Variants in NT5C3A observed in about 807,000 individuals in gnomAD.
The protein encoded by NT5C3A is cytosolic 5'-nucleotidase 3A.
Under a neutral mutation model 40.0 loss-of-function variants are expected in NT5C3A, and 23 were observed. That is an observed-to-expected ratio of 0.58 (90% confidence interval 0.41 to 0.81). The LOEUF is 0.81. Among genes scored for constraint, NT5C3A ranks in the 40% least tolerant of loss-of-function variants. The probability of loss-of-function intolerance (pLI) is 0.00; values close to 1 mark genes in which losing one functional copy is unlikely to be tolerated. For synonymous variants in NT5C3A, 130 were observed against 141.4 expected (o/e 0.92, Z 0.57); for missense variants, 328 against 403.0 (o/e 0.81, Z 1.59).
chr7:33,039,555 G>GTTTT lies in NT5C3A; in HGVS notation c.139-12644_139-12641dup, dbSNP rs776873396. Among the ~76,000 whole-genome samples, 424 of 70,006 alleles carry GTTTT rather than the reference G, an allele frequency of 6.1e-3. 48 individuals carry two copies. Among genetic ancestry groups the GTTTT allele is most frequent in the East Asian group, 0.017 (43 of 2,484 alleles). 45.9% of individuals were successfully genotyped at this position (70,006 alleles called of 152,430 possible). ...TACTATTTGACTTTCTTAAGCTTGG[G>GTTTT]TTTTTTGTTTTTTTTTTTTTTTAAT... On this transcript the variant is annotated intron_variant, in intron 1 of 8. Transcript: ENST00000610140.
At chr7:33,041,676 A>G (rs1786919818) in intron 1 of NT5C3A, among the ~76,000 whole-genome samples, 1 of 152,192 alleles carries the variant, frequency 6.6e-6, no homozygotes, top group African/African-American at 2.4e-5. Context: ...TTCTGTTTTT[A>G]AAAATGGGGG....
chr7:33,046,639 C>T (rs1473449745), intron 1 of NT5C3A, among the ~76,000 whole-genome samples: 2 of 152,050 alleles, frequency 1.3e-5, no homozygotes, highest in African/African-American at 4.8e-5. Context: ...ACTTAAAAAG[C>T]ATTAAATTCT....
At chr7:33,032,820 C>G (rs1177475686) in intron 1 of NT5C3A, among the ~76,000 whole-genome samples, 1 of 152,016 alleles carries the variant, frequency 6.6e-6, no homozygotes, top group Non-Finnish European at 1.5e-5. Context: ...GTAGCGTGAT[C>G]ACAGCTCACT....
At chr7:33,050,429 G>C (rs1308915171) in intron 1 of NT5C3A, among the ~76,000 whole-genome samples, 2 of 152,254 alleles carry the variant, frequency 1.3e-5, no homozygotes, top group Non-Finnish European at 1.5e-5. Flanking sequence ...ATTTTATCTA[G>C]CAACTTGTTC....
intron 1 of NT5C3A, among the ~76,000 whole-genome samples, chr7:33,057,787 T>C (rs930447581): frequency 6.6e-6 from 1 of 152,234 alleles, no homozygotes; most frequent in Non-Finnish European, 1.5e-5. Flanking sequence ...TTGAGAGATA[T>C]ATTTAAATTG....
intron 1 of NT5C3A, among the ~76,000 whole-genome samples, chr7:33,034,112 C>T (rs985592941): frequency 1.3e-5 from 2 of 151,814 alleles, no homozygotes; most frequent in South Asian, 2.1e-4. Context: ...AGGATGGTCT[C>T]GATCTCCTGA....
rs953497222 is a variant in NT5C3A, at chr7:33,041,214, G to A, written c.139-14299C>T. ...AAAAACATTCCTTTCCACCTGGTTT[G>A]TCAGTGGTTTGTCAGTGTACTTCTG... On this transcript the variant is annotated intron_variant, in intron 1 of 8. Transcript: ENST00000610140. 3 of 843,312 alleles carry A rather than the reference G, an allele frequency of 3.6e-6. No homozygotes were observed. In the African/African-American group the frequency reaches 5.5e-5, roughly 16 times the overall value. 52.2% of individuals were successfully genotyped at this position (843,312 alleles called of 1,614,324 possible).
chr7:33,044,033 C>CT (rs535266743), intron 1 of NT5C3A, among the ~76,000 whole-genome samples: 1,747 of 143,674 alleles, frequency 0.012, 13 homozygotes, highest in African/African-American at 0.023. Context: ...TTTTTTTTTT[C>CT]TTTTTTTTTT....
chr7:33,021,863 A>G, intron 4 of NT5C3A, 190 bp downstream of exon 4: 1 of 544,888 alleles, frequency 1.8e-6, no homozygotes, highest in Non-Finnish European at 3.3e-6. Context: ...GTGAATTTTT[A>G]TCTTTAAAAT....
intron 1 of NT5C3A, among the ~76,000 whole-genome samples, chr7:33,035,262 T>C (rs952178980): frequency 6.6e-6 from 1 of 150,580 alleles, no homozygotes; most frequent in African/African-American, 2.4e-5. Flanking sequence ...GGCGCAATCT[T>C]GGCTCACTGC....
intron 1 of NT5C3A, among the ~76,000 whole-genome samples, chr7:33,036,979 T>G (rs148523543): frequency 0.053 from 8,107 of 152,158 alleles, 264 homozygotes; most frequent in East Asian, 0.16. Context: ...GCCTGGTTAA[T>G]TTTTGTATTT....
intron 1 of NT5C3A, among the ~76,000 whole-genome samples, chr7:33,037,890 G>T (rs949320799): frequency 6.6e-6 from 1 of 152,038 alleles, no homozygotes; most frequent in Admixed American, 6.5e-5. Context: ...AAATATAATG[G>T]TAGTTTGGGG....
chr7:33,052,467 CAGAG>C (rs1396141592), intron 1 of NT5C3A, among the ~76,000 whole-genome samples: 2 of 113,520 alleles, frequency 1.8e-5, no homozygotes, highest in Non-Finnish European at 3.3e-5. Flanking sequence ...GCCTGGGCAA[CAGAG>C]AGAGACTCGG....
At chr7:33,035,881 AGTG>A (rs1786569443) in intron 1 of NT5C3A, 2 of 1,392,404 alleles carry the variant, frequency 1.4e-6, no homozygotes, top group Non-Finnish European at 2.0e-6. Context: ...CAGAGGTAAA[AGTG>A]GTGAAGATTT....
chr7:33,057,855 C>T (rs1787630410), intron 1 of NT5C3A, among the ~76,000 whole-genome samples: 1 of 152,222 alleles, frequency 6.6e-6, no homozygotes, highest in Non-Finnish European at 1.5e-5. Context: ...TCTCCCCTAT[C>T]CTGCTGTCTA....
At chr7:33,032,904 C>A (rs1438983390) in intron 1 of NT5C3A, among the ~76,000 whole-genome samples, 1 of 152,092 alleles carries the variant, frequency 6.6e-6, no homozygotes, top group Non-Finnish European at 1.5e-5. Context: ...CAGCCATCTG[C>A]CACTATGCCC....
At chr7:33,019,033 C>G (rs1178686628) in intron 6 of NT5C3A, among the ~76,000 whole-genome samples, 1 of 151,854 alleles carries the variant, frequency 6.6e-6, no homozygotes, top group Non-Finnish European at 1.5e-5. Context: ...ACTTTGGGAT[C>G]GCTTGAGCTC....
chr7:33,049,497 G>A (rs916965760), intron 1 of NT5C3A, among the ~76,000 whole-genome samples: 1 of 152,050 alleles, frequency 6.6e-6, no homozygotes, highest in Non-Finnish European at 1.5e-5. Flanking sequence ...AAAAGATACT[G>A]TATATCATTA....
At chr7:33,024,572 A>G (rs1414297027) in intron 2 of NT5C3A, among the ~76,000 whole-genome samples, 14 of 152,224 alleles carry the variant, frequency 9.2e-5, no homozygotes, top group Admixed American at 9.2e-4. Flanking sequence ...GGTTGGTGAG[A>G]TAAAGAACAG....
Sources: allele counts gnomAD v4.1 joint callset (sites outside exome capture counted in the v4.1 genomes callset), GRCh38; gene constraint gnomAD v4.1.1; transcripts MANE v1.5; gene names NCBI Gene and HGNC (gene_info 2026-07-23, HGNC 2026-07-21).